The following LHFPL3 variants were observed in gnomAD, a reference collection of about 807,000 sequenced individuals.
The protein encoded by LHFPL3 is LHFPL tetraspan subfamily member 3.
Under a neutral mutation model 19.3 loss-of-function variants are expected in LHFPL3, and 5 were observed. That is an observed-to-expected ratio of 0.26 (90% CI 0.14 to 0.54). The LOEUF is 0.54. Among genes scored for constraint, LHFPL3 ranks in the 20% least tolerant of loss-of-function variants. LHFPL3 has a pLI of 0.94. For synonymous variants in LHFPL3, 133 were observed against 126.2 expected (o/e 1.05, Z -0.36); for missense variants, 249 against 307.4 (o/e 0.81, Z 1.42).
intron 1 of LHFPL3, among the ~76,000 whole-genome samples, chr7:104,586,843 G>C (rs1790588620): frequency 6.6e-6 from 1 of 152,132 alleles, no homozygotes; most frequent in African/African-American, 2.4e-5. Flanking sequence ...ACACAATCTG[G>C]AGGCTGCTGG....
intron 2 of LHFPL3, among the ~76,000 whole-genome samples, chr7:104,823,943 C>T (rs1232799699): frequency 6.6e-6 from 1 of 150,810 alleles, no homozygotes; most frequent in Non-Finnish European, 1.5e-5. Flanking sequence ...GTCCGGAGTT[C>T]GAGACCAACC....
intron 2 of LHFPL3, among the ~76,000 whole-genome samples, chr7:104,864,478 C>A (rs137922416): frequency 0.013 from 1,923 of 152,348 alleles, 13 homozygotes; most frequent in African/African-American, 0.019. Flanking sequence ...TATCCCGCAC[C>A]TGGCTTGGAG....
At chr7:104,584,834 A>G (rs1236809015) in intron 1 of LHFPL3, among the ~76,000 whole-genome samples, 1 of 152,208 alleles carries the variant, frequency 6.6e-6, no homozygotes, top group African/African-American at 2.4e-5. Context: ...TCTACAGAGT[A>G]AACAGAAGTC....
chr7:104,668,193 T>A, intron 1 of LHFPL3: 3 of 1,613,714 alleles, frequency 1.9e-6, no homozygotes, highest in Non-Finnish European at 2.5e-6. Flanking sequence ...GGACCTGGAT[T>A]CCCTGCTCAG....
At chr7:104,696,777 AT>A (rs1357970802) in intron 1 of LHFPL3, among the ~76,000 whole-genome samples, 4 of 152,196 alleles carry the variant, frequency 2.6e-5, no homozygotes, top group East Asian at 1.9e-4. Context: ...TAGACTGGAA[AT>A]TTTTTTGCGG....
At chr7:104,415,575 T>C (rs1349550495) in intron 1 of LHFPL3, among the ~76,000 whole-genome samples, 3 of 152,202 alleles carry the variant, frequency 2.0e-5, no homozygotes, top group African/African-American at 4.8e-5. Context: ...ACCCCAACTC[T>C]AACACAATAC....
At chr7:104,539,095 C>G (rs892863653) in intron 1 of LHFPL3, among the ~76,000 whole-genome samples, 4 of 152,180 alleles carry the variant, frequency 2.6e-5, no homozygotes, top group Non-Finnish European at 5.9e-5. Context: ...AAAAGTAATA[C>G]AACCCTGTCA....
At chr7:104,854,969 T>C (rs772057986) in intron 2 of LHFPL3, among the ~76,000 whole-genome samples, 5 of 148,978 alleles carry the variant, frequency 3.4e-5, no homozygotes, top group South Asian at 2.3e-4. Context: ...CTCTGCACTT[T>C]TGTGAACCTC....
chr7:104,606,717 G>A (rs1341505118), intron 1 of LHFPL3, among the ~76,000 whole-genome samples: 1 of 152,160 alleles, frequency 6.6e-6, no homozygotes, highest in Non-Finnish European at 1.5e-5. Context: ...GTCCATGTTG[G>A]AGAACTGGAG....
intron 1 of LHFPL3, among the ~76,000 whole-genome samples, chr7:104,602,492 G>T (rs534483516): frequency 4.6e-5 from 7 of 152,338 alleles, no homozygotes; most frequent in African/African-American, 1.7e-4. Context: ...TGCTTGTCAT[G>T]TGTATGTCCA....
At position 104,590,366 on chromosome 7, in the gene LHFPL3, AT is replaced by A. The variant is rs1790684992; in HGVS notation, c.446-146308del. On this transcript the variant is annotated intron_variant, in intron 1 of 2. Transcript: ENST00000424859. ...TCTTTATTTCTGCCTTCATTTCATT[AT>A]GTACCCAGTAGTCATTCAGGAGCAG... Among the ~76,000 whole-genome samples, 3 of 152,112 alleles carry A rather than the reference AT, an allele frequency of 2.0e-5. No individual in the cohort carries two copies. In the South Asian group the frequency reaches 6.2e-4, roughly 32 times the overall value.
intron 2 of LHFPL3, chr7:104,803,378 C>T (rs1390150207): frequency 6.6e-6 from 1 of 152,222 alleles, no homozygotes; most frequent in Non-Finnish European, 1.5e-5. Context: ...AGTTCCAAGG[C>T]CATAACCATA....
At chr7:104,723,580 G>T (rs1407744355) in intron 1 of LHFPL3, among the ~76,000 whole-genome samples, 2 of 151,796 alleles carry the variant, frequency 1.3e-5, no homozygotes, top group Non-Finnish European at 2.9e-5. Context: ...AAATTAGTTG[G>T]GTGTGGCGGT....
chr7:104,505,766 A>G (rs1015037690), intron 1 of LHFPL3, among the ~76,000 whole-genome samples: 1 of 152,212 alleles, frequency 6.6e-6, no homozygotes, highest in Non-Finnish European at 1.5e-5. Context: ...CACTGTTCCA[A>G]TTACCAAAGC....
At chr7:104,888,842 T>G (rs1271035800) in intron 2 of LHFPL3, among the ~76,000 whole-genome samples, 2 of 152,126 alleles carry the variant, frequency 1.3e-5, no homozygotes, top group African/African-American at 2.4e-5. Context: ...GAGGGGAGAT[T>G]TCTGTCCAAA....
chr7:104,461,216 C>T (rs1025480971), intron 1 of LHFPL3, among the ~76,000 whole-genome samples: 5 of 152,180 alleles, frequency 3.3e-5, no homozygotes, highest in African/African-American at 1.2e-4. Flanking sequence ...ATCAGATCTC[C>T]TGAGAACTCA....
chr7:104,430,604 G>A (rs1039937668), intron 1 of LHFPL3, among the ~76,000 whole-genome samples: 1 of 148,196 alleles, frequency 6.7e-6, no homozygotes, highest in African/African-American at 2.5e-5. Context: ...AAGTAGCTGG[G>A]ACTACAGGCG....
intron 1 of LHFPL3, among the ~76,000 whole-genome samples, chr7:104,465,576 C>T (rs1792763903): frequency 6.6e-6 from 1 of 152,176 alleles, no homozygotes; most frequent in African/African-American, 2.4e-5. Context: ...GGGAAGCAAG[C>T]ACTTCCTTCT....
intron 2 of LHFPL3, chr7:104,752,773 G>A (rs910694694): frequency 5.1e-5 from 20 of 395,764 alleles, no homozygotes; most frequent in Admixed American, 8.9e-5. Flanking sequence ...CAATGACCAC[G>A]CTCGAGTGTA....
Sources: allele counts gnomAD v4.1 joint callset (sites outside exome capture counted in the v4.1 genomes callset), GRCh38; gene constraint gnomAD v4.1.1; transcripts MANE v1.5; gene names NCBI Gene and HGNC (gene_info 2026-07-23, HGNC 2026-07-21).